The following DNAJC5 variants were observed in gnomAD, a reference collection of about 807,000 sequenced individuals.
The protein encoded by DNAJC5 is DnaJ heat shock protein family (Hsp40) member C5.
A neutral mutation model predicts 23.2 loss-of-function variants in DNAJC5; 1 was observed. That is an observed-to-expected ratio of 0.04 (90% CI 0.02 to 0.20). The LOEUF (loss-of-function observed/expected upper bound fraction) is 0.20. Ranked by LOEUF, DNAJC5 falls within the 10% of genes least tolerant of loss-of-function variation. The probability of loss-of-function intolerance (pLI) is 1.00; values close to 1 mark genes in which losing one functional copy is unlikely to be tolerated. For synonymous variants in DNAJC5, 136 were observed against 120.0 expected, an observed-to-expected ratio of 1.13 and a Z score of -0.87; for missense variants, 180 against 267.0, an observed-to-expected ratio of 0.67 and a Z score of 2.27.
chr20:63,927,535 T>TTC (rs2053626413), intron 1 of DNAJC5, among the ~76,000 whole-genome samples: 2 of 138,478 alleles, frequency 1.4e-5, no homozygotes, highest in South Asian at 4.7e-4. Flanking sequence ...AGCAAAACTG[T>TTC]CCCCCCCCCC....
rs1057296425 is a variant in DNAJC5 at position 63,928,990 on chromosome 20, C to T, written c.108-322C>T. Among the ~76,000 whole-genome samples the T allele has an allele frequency of 6.6e-6, 1 of 152,258 alleles. No individual in the cohort carries two copies. Among genetic ancestry groups the T allele is most frequent in the Non-Finnish European group, 1.5e-5 (1 of 68,044 alleles). Reference sequence around the variant, plus strand: ...CATCATTACGCCCCGCCGTGCTTACCGTTCACTTGGCACTTGTGCAGTTAG... The same window carrying T: ...CATCATTACGCCCCGCCGTGCTTACTGTTCACTTGGCACTTGTGCAGTTAG... On this transcript the variant is annotated intron_variant, in intron 2 of 4. Transcript: ENST00000360864. The surrounding 1 kb of genome is among the most constrained non-coding windows in gnomAD (Gnocchi z 4.6).
At position 63,935,592 on chromosome 20, in the gene DNAJC5, C is replaced by A. The variant is rs2053711257; in HGVS notation, c.*4024C>A. ...GCAGATACGGTCAGTGGCAAAGCTG[C>A]ATCTGAAGGGCGGCCTGGGAAGGGG... On this transcript the variant is annotated 3_prime_UTR_variant, in exon 5 of 5. Coordinates refer to ENST00000360864, the MANE Select transcript of DNAJC5 (RefSeq NM_025219.3). 6.6e-6 allele frequency: 1 copy of A among 152,254 alleles called. No homozygotes were observed. The highest frequency in any genetic ancestry group is 2.4e-5 in the African/African-American group (1 of 41,468). The allele number at this position is 152,254 out of a possible 1,614,324, so 9.4% of individuals were successfully genotyped here. A position where few individuals can be genotyped will look rare whatever the true frequency, so the allele number is the denominator to read the frequency against.
intron 1 of DNAJC5, among the ~76,000 whole-genome samples, chr20:63,927,639 T>C (rs1217991910): frequency 1.3e-5 from 2 of 152,158 alleles, no homozygotes; most frequent in African/African-American, 4.8e-5. Flanking sequence ...AGAACATCGA[T>C]GTTTTTCCTG....
Position 63,931,485 on chromosome 20 carries a change from G to T in DNAJC5, c.514G>T (p.Val172Phe), listed in dbSNP as rs771796509. Reference protein sequence around the residue: ...DEREATDTPIVIQPASATETT... With the variant: ...DEREATDTPIFIQPASATETT... ...TTCAGAGGCCACAGACACGCCGATC[G>T]TCATACAGCCGGCATCCGCCACCGA... The change falls in exon 5 of 5, where the codon GTC becomes TTC. Residue 172 changes from valine to phenylalanine, a missense_variant. Around this residue, in one of 3 missense-constraint regions of DNAJC5, gnomAD observed 97 missense variants for 123.4 expected, o/e 0.79. Transcript: ENST00000360864. The surrounding 1 kb of genome is among the most constrained non-coding windows in gnomAD (Gnocchi z 9.6). The T allele has an allele frequency of 1.3e-6, 2 of 1,571,138 alleles. No individual in the cohort carries two copies. Among genetic ancestry groups the T allele is most frequent in the South Asian group, 1.2e-5 (1 of 86,090 alleles).
chr20:63,905,498 C>T (rs112008236), intron 1 of DNAJC5, among the ~76,000 whole-genome samples: 10,225 of 151,796 alleles, frequency 0.067, 479 homozygotes, highest in Non-Finnish European at 0.08. Context: ...CAGCCTTCAC[C>T]TCTGGGCTCG....
At chr20:63,908,042 A>C (rs1042217364) in intron 1 of DNAJC5, among the ~76,000 whole-genome samples, 1 of 152,244 alleles carries the variant, frequency 6.6e-6, no homozygotes, top group Non-Finnish European at 1.5e-5. Context: ...CTGGGATTAC[A>C]GGCGTGAGCC....
chr20:63,911,579 T>C (rs2053483066), intron 1 of DNAJC5, among the ~76,000 whole-genome samples: 2 of 152,358 alleles, frequency 1.3e-5, no homozygotes. Flanking sequence ...GTTCTCGTGT[T>C]GCGTTAAGCT....
At chr20:63,923,682 A>G (rs930782549) in intron 1 of DNAJC5, among the ~76,000 whole-genome samples, 1 of 152,136 alleles carries the variant, frequency 6.6e-6, no homozygotes, top group Non-Finnish European at 1.5e-5. Flanking sequence ...CTGAAATGTG[A>G]CCACTGCACT....
intron 1 of DNAJC5, among the ~76,000 whole-genome samples, chr20:63,908,628 G>A (rs970224156): frequency 2.0e-5 from 3 of 152,206 alleles, no homozygotes; most frequent in Non-Finnish European, 4.4e-5. Context: ...GGATTTGAAT[G>A]TTGTGATTAT....
At chr20:63,924,208 C>T (rs988814006) in intron 1 of DNAJC5, among the ~76,000 whole-genome samples, 1 of 151,732 alleles carries the variant, frequency 6.6e-6, no homozygotes, top group Admixed American at 6.6e-5. Context: ...GTATCAGTTT[C>T]TGCAAAAAAA....
At chr20:63,895,708 C>T (rs1211230511) in intron 1 of DNAJC5, among the ~76,000 whole-genome samples, 1 of 152,116 alleles carries the variant, frequency 6.6e-6, no homozygotes, top group Non-Finnish European at 1.5e-5. Flanking sequence ...GAAGCTGGGC[C>T]ATCGCTGGTC....
At chr20:63,896,701 C>A (rs559104879) in intron 1 of DNAJC5, among the ~76,000 whole-genome samples, 1 of 152,270 alleles carries the variant, frequency 6.6e-6, no homozygotes, top group Admixed American at 6.5e-5. Flanking sequence ...TTTCCCACAG[C>A]GCTGAATCCT....
intron 1 of DNAJC5, among the ~76,000 whole-genome samples, chr20:63,910,246 C>A (rs951046679): frequency 1.3e-5 from 2 of 152,072 alleles, no homozygotes; most frequent in African/African-American, 4.8e-5. Flanking sequence ...TTTGCACCAT[C>A]GAAAGTGATG....
intron 1 of DNAJC5, among the ~76,000 whole-genome samples, chr20:63,903,739 C>A (rs1374385109): frequency 1.3e-5 from 2 of 152,228 alleles, no homozygotes; most frequent in East Asian, 3.9e-4. Flanking sequence ...TACATGAGGC[C>A]AGGAGTTTGA....
chr20:63,914,808 G>A (rs896265851), intron 1 of DNAJC5, among the ~76,000 whole-genome samples: 7 of 151,912 alleles, frequency 4.6e-5, no homozygotes, highest in Non-Finnish European at 8.8e-5. Flanking sequence ...CAGAGATGGG[G>A]TTTCACTGTG....
rs968786321 is a variant in DNAJC5, at chr20:63,928,032, C to G, written c.-11-303C>G. On this transcript the variant is annotated intron_variant, in intron 1 of 4. Coordinates refer to ENST00000360864, the MANE Select transcript of DNAJC5 (RefSeq NM_025219.3). This position sits in a 1 kb window ranked among gnomAD's most constrained non-coding sequence, Gnocchi z 4.6. The stretch of plus-strand genomic sequence containing the variant: ...TGGAGTGATCATAGCTCACTGCAGC[C>G]TCAAACTCCTGGGCTCAAGCGGTCC... Among the ~76,000 whole-genome samples the G allele has an allele frequency of 3.3e-5, 5 of 152,218 alleles. No homozygotes were observed. The highest frequency in any genetic ancestry group is 1.2e-4 in the African/African-American group (5 of 41,450).
rs1483042595 is a variant in DNAJC5, at chr20:63,895,132, G to C, written c.-203G>C. 2 of 152,984 alleles carry C rather than the reference G, an allele frequency of 1.3e-5. No individual in the cohort carries two copies. Among genetic ancestry groups the C allele is most frequent in the Non-Finnish European group, 2.9e-5 (2 of 68,258 alleles). The allele number at this position is 152,984 out of a possible 1,614,324, so 9.5% of individuals were successfully genotyped here. On this transcript the variant is annotated 5_prime_UTR_variant, in exon 1 of 5. Coordinates refer to ENST00000360864, the MANE Select transcript of DNAJC5 (RefSeq NM_025219.3). ...CGCGCGCGCCGGTGCGGGTGCGTGC[G>C]TGAGCGTGCTCGTCTCCGCTGCCGC...
rs558669385 is a variant in DNAJC5, at chr20:63,932,957, A to C, written c.*1389A>C. The C allele has an allele frequency of 6.6e-6, 1 of 152,546 alleles. No individual in the cohort carries two copies. The highest frequency in any genetic ancestry group is 2.1e-4 in the South Asian group (1 of 4,828). The allele number at this position is 152,546 out of a possible 1,614,324, so 9.4% of individuals were successfully genotyped here. A position where few individuals can be genotyped will look rare whatever the true frequency, so the allele number is the denominator to read the frequency against. On this transcript the variant is annotated 3_prime_UTR_variant, in exon 5 of 5. Coordinates refer to ENST00000360864, the MANE Select transcript of DNAJC5 (RefSeq NM_025219.3). This position sits in a 1 kb window ranked among gnomAD's most constrained non-coding sequence, Gnocchi z 4.4. Reference sequence around the variant, plus strand: ...CGCCCTGCATAGGGGAGCAGGGGGAACGGGTCTGATGTCCCTGTGCTGGCT... The same window carrying C: ...CGCCCTGCATAGGGGAGCAGGGGGACCGGGTCTGATGTCCCTGTGCTGGCT...
At chr20:63,927,449 A>T (rs1246438686) in intron 1 of DNAJC5, among the ~76,000 whole-genome samples, 3 of 152,134 alleles carry the variant, frequency 2.0e-5, no homozygotes, top group Non-Finnish European at 4.4e-5. Flanking sequence ...CTGAGGCAGG[A>T]GCATTGCTTG....
Sources: gnomAD v4.1 joint callset for allele counts (sites outside exome capture counted in the v4.1 genomes callset) on GRCh38, gnomAD v4.1.1 for gene constraint, gnomAD v4.1.1 regional missense constraint, Gnocchi (gnomAD v3.1) non-coding constraint, MANE v1.5 for transcripts, NCBI Gene and HGNC (gene_info 2026-07-23, HGNC 2026-07-21) for gene names.